The following KIRREL3 variants were observed in gnomAD, a reference collection of about 807,000 sequenced individuals.
The protein encoded by KIRREL3 is kin of IRRE-like protein 3.
KIRREL3 carries 36 observed loss-of-function variants against 89.7 expected under a neutral mutation model. The ratio of observed to expected loss-of-function variants is 0.40; its 90% CI spans 0.31 to 0.53. KIRREL3 has a LOEUF of 0.53. Ranked by LOEUF, KIRREL3 falls within the 20% of genes least tolerant of loss-of-function variation. The pLI, the probability that KIRREL3 is intolerant of heterozygous loss-of-function variation, is 0.49. For missense variants in KIRREL3, 864 were observed against 1,056.6 expected, an observed-to-expected ratio of 0.82 and a Z score of 2.53; for synonymous variants, 445 against 441.4, an observed-to-expected ratio of 1.01 and a Z score of -0.10.
chr11:126,773,284 T>C lies in KIRREL3; in HGVS notation c.56-210372A>G, dbSNP rs1411472049. Among the ~76,000 whole-genome samples, 1 of 152,136 alleles carries C rather than the reference T, an allele frequency of 6.6e-6. No homozygotes were observed. Among genetic ancestry groups the C allele is most frequent in the Non-Finnish European group, 1.5e-5 (1 of 68,024 alleles). On this transcript the variant is annotated intron_variant, in intron 1 of 16. Transcript: ENST00000525144. This position sits in a 1 kb window ranked among gnomAD's most constrained non-coding sequence, Gnocchi z 4.2. ...GAATCAGGGGACTGAGTGAAGTCAA[T>C]ACAGTGTGGGTCGGCTTTGTCCCAT...
intron 1 of KIRREL3, among the ~76,000 whole-genome samples, chr11:126,962,816 A>G (rs1256508061): frequency 6.6e-6 from 1 of 152,150 alleles, no homozygotes; most frequent in African/African-American, 2.4e-5. Context: ...AACTTTCAGC[A>G]ACCACCACCC....
chr11:126,729,036 C>T lies in KIRREL3; in HGVS notation c.56-166124G>A, dbSNP rs1173251430. Among the ~76,000 whole-genome samples the T allele has an allele frequency of 6.6e-6, 1 of 152,210 alleles. No individual in the cohort carries two copies. The highest frequency in any genetic ancestry group is 1.5e-5 in the Non-Finnish European group (1 of 68,040). The stretch of plus-strand genomic sequence containing the variant: ...GCTTTTGGGGCAGGCATGCCTGTTG[C>T]AGGCTTGGAGTGGGCCCTGGGGAGG... On this transcript the variant is annotated intron_variant, in intron 1 of 16. Coordinates refer to ENST00000525144, the MANE Select transcript of KIRREL3 (RefSeq NM_032531.4). The surrounding 1 kb of genome is among the most constrained non-coding windows in gnomAD (Gnocchi z 4.5).
In KIRREL3 at chr11:126,640,642, C is replaced by G. The variant is rs1406714804; in HGVS notation, c.56-77730G>C. 6.6e-6 allele frequency among the ~76,000 whole-genome samples: 1 copy of G among 152,146 alleles called. No individual in the cohort carries two copies. Among genetic ancestry groups the G allele is most frequent in the East Asian group, 1.9e-4 (1 of 5,192 alleles). ...ACCTTACAGCATGGTCTTAAAGAGA[C>G]ACCCTCTCATATTACTTGCTGCTGT... On this transcript the variant is annotated intron_variant, in intron 1 of 16. Transcript: ENST00000525144. This position sits in a 1 kb window ranked among gnomAD's most constrained non-coding sequence, Gnocchi z 4.9.
At chr11:126,915,431 G>A (rs557212757) in intron 1 of KIRREL3, among the ~76,000 whole-genome samples, 5 of 151,642 alleles carry the variant, frequency 3.3e-5, no homozygotes, top group South Asian at 2.1e-4. Flanking sequence ...CTAAACATTC[G>A]TCCTGAGATC....
intron 2 of KIRREL3, among the ~76,000 whole-genome samples, chr11:126,554,865 C>G (rs987676778): frequency 9.2e-5 from 14 of 152,174 alleles, no homozygotes; most frequent in Non-Finnish European, 1.5e-4. Flanking sequence ...CAGAGTAACA[C>G]AAGCGGCTGA....
intron 8 of KIRREL3, among the ~76,000 whole-genome samples, chr11:126,448,279 CA>C (rs55787866): frequency 0.24 from 22,741 of 95,286 alleles, 2,236 homozygotes; most frequent in East Asian, 0.55. Context: ...GAGACTGTCT[CA>C]AAAAAAAAAA....
chr11:126,779,797 TTCTC>T (rs1950272108), intron 1 of KIRREL3, among the ~76,000 whole-genome samples: 1 of 83,278 alleles, frequency 1.2e-5, no homozygotes, highest in African/African-American at 3.3e-5. Flanking sequence ...TTATGATGCC[TTCTC>T]CTTTTTCAAG....
chr11:126,435,085 G>T (rs1486090754), intron 13 of KIRREL3, among the ~76,000 whole-genome samples, 183 bp downstream of exon 13: 1 of 152,014 alleles, frequency 6.6e-6, no homozygotes, highest in Non-Finnish European at 1.5e-5. Context: ...GGGTCCCTAG[G>T]CCCAAGCTGG....
rs902690383 is a variant in KIRREL3, at chr11:126,427,131, C to G, written c.1807-1407G>C. Among the ~76,000 whole-genome samples the G allele has an allele frequency of 9.8e-5, 15 of 152,300 alleles. No homozygotes were observed. In the South Asian group the frequency reaches 2.9e-3, roughly 29 times the overall value. On this transcript the variant is annotated intron_variant, in intron 15 of 16. Coordinates refer to ENST00000525144, the MANE Select transcript of KIRREL3 (RefSeq NM_032531.4). The surrounding 1 kb of genome is among the most constrained non-coding windows in gnomAD (Gnocchi z 5.3). ...GAATGTTTGCCGATGGGAGAGAATT[C>G]AAGGTCCCGTTTGGGATGAAGGACA...
chr11:126,767,524 TG>T (rs993563178), intron 1 of KIRREL3, among the ~76,000 whole-genome samples: 1 of 152,150 alleles, frequency 6.6e-6, no homozygotes, highest in African/African-American at 2.4e-5. Context: ...CCCTGTTGCT[TG>T]TTGGCTGTGT....
At chr11:126,862,850 G>A (rs760976370) in intron 1 of KIRREL3, among the ~76,000 whole-genome samples, 19 of 152,210 alleles carry the variant, frequency 1.2e-4, no homozygotes, top group African/African-American at 3.1e-4. Flanking sequence ...CTCGAGGCCC[G>A]GTCTACATTG....
At position 126,788,262 on chromosome 11, in the gene KIRREL3, T is replaced by C. The variant is rs1950540153; in HGVS notation, c.55+212193A>G. Reference sequence around the variant, plus strand: ...TGGACGTTGCCTCCCAGGGCTGCTCTCCAAGCCCCAATTCTTTTGCATACA... The same window carrying C: ...TGGACGTTGCCTCCCAGGGCTGCTCCCCAAGCCCCAATTCTTTTGCATACA... On this transcript the variant is annotated intron_variant, in intron 1 of 16. Transcript: ENST00000525144. This position sits in a 1 kb window ranked among gnomAD's most constrained non-coding sequence, Gnocchi z 4.1. 6.6e-6 allele frequency among the ~76,000 whole-genome samples: 1 copy of C among 152,244 alleles called. No homozygotes were observed. Among genetic ancestry groups the C allele is most frequent in the Non-Finnish European group, 1.5e-5 (1 of 68,040 alleles).
At chr11:126,540,501 G>A (rs780734118) in intron 2 of KIRREL3, among the ~76,000 whole-genome samples, 93 of 152,086 alleles carry the variant, frequency 6.1e-4, no homozygotes, top group Non-Finnish European at 1.2e-3. Context: ...AAGAGCAATC[G>A]GGCTGGCCGA....
chr11:126,922,826 C>A (rs1283764411), intron 1 of KIRREL3, among the ~76,000 whole-genome samples: 1 of 152,166 alleles, frequency 6.6e-6, no homozygotes, highest in Non-Finnish European at 1.5e-5. Context: ...GAGTTCCTTG[C>A]ATTTCCCGGA....
intron 1 of KIRREL3, among the ~76,000 whole-genome samples, chr11:126,902,771 A>C (rs1297632981): frequency 1.3e-5 from 2 of 152,328 alleles, no homozygotes; most frequent in Middle Eastern, 3.4e-3. Flanking sequence ...GGAAAAACCT[A>C]GTTCTTACAG....
chr11:126,888,198 C>A (rs776610801), intron 1 of KIRREL3, among the ~76,000 whole-genome samples: 8 of 152,256 alleles, frequency 5.3e-5, no homozygotes, highest in African/African-American at 9.6e-5. Context: ...TGCCAGGAAG[C>A]TTGGGAGAAA....
In KIRREL3 at chr11:126,705,626, T is replaced by C. The variant is rs1283891190; in HGVS notation, c.56-142714A>G. On this transcript the variant is annotated intron_variant, in intron 1 of 16. Coordinates refer to ENST00000525144, the MANE Select transcript of KIRREL3 (RefSeq NM_032531.4). This position sits in a 1 kb window ranked among gnomAD's most constrained non-coding sequence, Gnocchi z 4.3. Reference sequence around the variant, plus strand: ...AATTATCCCACCTCAGATATTTCTTTATAGTAATGTAAGAATGGTCTAACA... The same window carrying C: ...AATTATCCCACCTCAGATATTTCTTCATAGTAATGTAAGAATGGTCTAACA... Among the ~76,000 whole-genome samples, 1 of 152,136 alleles carries C rather than the reference T, an allele frequency of 6.6e-6. No homozygotes were observed. Among genetic ancestry groups the C allele is most frequent in the East Asian group, 1.9e-4 (1 of 5,204 alleles).
At chr11:126,511,317 C>T (rs34364340) in intron 4 of KIRREL3, among the ~76,000 whole-genome samples, 2 of 146,394 alleles carry the variant, frequency 1.4e-5, no homozygotes, top group Non-Finnish European at 3.0e-5. Context: ...GAGGGAGACT[C>T]CATCTCAAAG....
rs1946589006 is a variant in KIRREL3 at position 126,684,409 on chromosome 11, T to C, written c.56-121497A>G. On this transcript the variant is annotated intron_variant, in intron 1 of 16. Coordinates refer to ENST00000525144, the MANE Select transcript of KIRREL3 (RefSeq NM_032531.4). The surrounding 1 kb of genome is among the most constrained non-coding windows in gnomAD (Gnocchi z 4.2). ...AAAAACACATCGAAGCAAAACCTCCTGGTTGAACTGGCTTCCCTGCCCCTC... is the reference window on the plus strand; with the variant it reads ...AAAAACACATCGAAGCAAAACCTCCCGGTTGAACTGGCTTCCCTGCCCCTC... Among the ~76,000 whole-genome samples the C allele has an allele frequency of 6.6e-6, 1 of 152,198 alleles. No individual in the cohort carries two copies. The highest frequency in any genetic ancestry group is 2.4e-5 in the African/African-American group (1 of 41,456).
Sources: gnomAD v4.1 joint callset for allele counts (sites outside exome capture counted in the v4.1 genomes callset) on GRCh38, gnomAD v4.1.1 for gene constraint, Gnocchi (gnomAD v3.1) non-coding constraint, MANE v1.5 for transcripts, NCBI Gene and HGNC (gene_info 2026-07-23, HGNC 2026-07-21) for gene names.